NEGR1: variants seen among roughly 807,000 people sequenced by gnomAD.
NEGR1 encodes the protein neuronal growth regulator 1, also known as IgLON family member 4.
A neutral mutation model predicts 40.9 loss-of-function variants in NEGR1; 10 were observed. That is an observed-to-expected ratio of 0.24 (90% CI 0.15 to 0.42). The LOEUF is 0.42. NEGR1 is among the 10% of genes least tolerant of loss of function. NEGR1 has a pLI of 1.00. For synonymous variants in NEGR1, 185 were observed against 166.8 expected (o/e 1.11, Z -0.84); for missense variants, 352 against 438.9 (o/e 0.80, Z 1.77).
chr1:71,458,458 T>C (rs1646690840), intron 6 of NEGR1, among the ~76,000 whole-genome samples: 2 of 152,252 alleles, frequency 1.3e-5, no homozygotes, highest in African/African-American at 2.4e-5. Flanking sequence ...ACTATAGTTA[T>C]ACTTTTCACA....
chr1:71,496,499 A>G (rs976539027), intron 6 of NEGR1, among the ~76,000 whole-genome samples: 1 of 152,138 alleles, frequency 6.6e-6, no homozygotes, highest in Non-Finnish European at 1.5e-5. Flanking sequence ...TGTGGAAAAC[A>G]TCTTGCCTTT....
At chr1:72,005,243 G>A (rs1646596706) in intron 1 of NEGR1, among the ~76,000 whole-genome samples, 1 of 151,926 alleles carries the variant, frequency 6.6e-6, no homozygotes, top group African/African-American at 2.4e-5. Flanking sequence ...GGATAGGGTG[G>A]GGGAGGCAAA....
intron 1 of NEGR1, among the ~76,000 whole-genome samples, chr1:72,129,711 T>C (rs1381558232): frequency 1.3e-5 from 2 of 152,184 alleles, no homozygotes; most frequent in African/African-American, 4.8e-5. Context: ...AATGAATGAA[T>C]GAAAAGGAAT....
At chr1:71,829,781 T>C (rs554868917) in intron 2 of NEGR1, among the ~76,000 whole-genome samples, 2 of 152,130 alleles carry the variant, frequency 1.3e-5, no homozygotes, top group South Asian at 2.1e-4. Flanking sequence ...CATACTCTTA[T>C]GGTCCACAGT....
intron 2 of NEGR1, among the ~76,000 whole-genome samples, chr1:71,823,736 A>G (rs1248074338): frequency 2.0e-5 from 3 of 152,070 alleles, no homozygotes; most frequent in African/African-American, 7.2e-5. Context: ...ATCCTTAAGA[A>G]AAGCCTGTAC....
chr1:71,531,176 C>T (rs1232122582), intron 6 of NEGR1, among the ~76,000 whole-genome samples: 1 of 151,196 alleles, frequency 6.6e-6, no homozygotes, highest in Non-Finnish European at 1.5e-5. Context: ...CTCACTATAC[C>T]TATTCCCAAT....
At chr1:72,001,681 C>T (rs1402911005) in intron 1 of NEGR1, among the ~76,000 whole-genome samples, 1 of 150,054 alleles carries the variant, frequency 6.7e-6, no homozygotes, top group Non-Finnish European at 1.5e-5. Flanking sequence ...GAGGGCATTA[C>T]GAACATCACA....
intron 1 of NEGR1, among the ~76,000 whole-genome samples, chr1:72,253,274 A>G (rs955149135): frequency 3.9e-5 from 6 of 152,320 alleles, no homozygotes; most frequent in Admixed American, 2.6e-4. Flanking sequence ...AAATAGTTGA[A>G]GAATTGAAAA....
At chr1:71,780,040 C>CAAAAAAAAAAAAAAAAAA (rs57576840) in intron 2 of NEGR1, among the ~76,000 whole-genome samples, 39 of 99,732 alleles carry the variant, frequency 3.9e-4, no homozygotes, top group African/African-American at 7.1e-4. Flanking sequence ...ATAGGAAAAC[C>CAAAAAAAAAAAAAAAAAA]AAAAAAAAAA....
chr1:72,036,337 A>C (rs983146892), intron 1 of NEGR1, among the ~76,000 whole-genome samples: 1 of 152,084 alleles, frequency 6.6e-6, no homozygotes, highest in African/African-American at 2.4e-5. Flanking sequence ...GTAGGAAAAA[A>C]TGTGCACACT....
At chr1:72,226,599 T>C (rs1305231707) in intron 1 of NEGR1, among the ~76,000 whole-genome samples, 1 of 152,008 alleles carries the variant, frequency 6.6e-6, no homozygotes, top group Non-Finnish European at 1.5e-5. Flanking sequence ...CAAGTTACAT[T>C]AAAAATTTGA....
intron 5 of NEGR1, among the ~76,000 whole-genome samples, chr1:71,597,432 GTC>G (rs1158039041): frequency 1.2e-3 from 70 of 60,746 alleles, no homozygotes; most frequent in African/African-American, 3.6e-3. Flanking sequence ...ATATATATAT[GTC>G]TCTCTCTCTC....
intron 2 of NEGR1, among the ~76,000 whole-genome samples, chr1:71,894,371 G>C (rs1412831215): frequency 1.6e-4 from 25 of 152,132 alleles, no homozygotes. Flanking sequence ...AACAGGAATA[G>C]GGGCTCTTTG....
At chr1:71,916,217 G>C (rs1240923027) in intron 2 of NEGR1, among the ~76,000 whole-genome samples, 1 of 152,084 alleles carries the variant, frequency 6.6e-6, no homozygotes, top group African/African-American at 2.4e-5. Context: ...TATACTATCT[G>C]ATGCTTCAAT....
At chr1:71,674,118 T>C (rs1185718901) in intron 4 of NEGR1, among the ~76,000 whole-genome samples, 1 of 152,186 alleles carries the variant, frequency 6.6e-6, no homozygotes. Context: ...GGTAGCACCA[T>C]TTATTTCTTC....
chr1:72,277,291 G>A (rs901387929), intron 1 of NEGR1, among the ~76,000 whole-genome samples: 2 of 152,184 alleles, frequency 1.3e-5, no homozygotes, highest in Admixed American at 1.3e-4. Flanking sequence ...GGCCAATCAG[G>A]CCTAGAACTG....
chr1:72,134,644 CTT>C (rs57127142), intron 1 of NEGR1, among the ~76,000 whole-genome samples: 94,220 of 146,176 alleles, frequency 0.64, 30,755 homozygotes, highest in East Asian at 0.85. Flanking sequence ...TAGAGGTTTC[CTT>C]TTTTTTTTTT....
At chr1:71,875,144 G>C (rs1360136462) in intron 2 of NEGR1, among the ~76,000 whole-genome samples, 2 of 152,022 alleles carry the variant, frequency 1.3e-5, no homozygotes, top group East Asian at 3.9e-4. Flanking sequence ...ACTGTGCCTG[G>C]CCAAGTTTTT....
chr1:71,443,445 T>C (rs937966924), intron 6 of NEGR1, among the ~76,000 whole-genome samples: 1 of 152,234 alleles, frequency 6.6e-6, no homozygotes, highest in African/African-American at 2.4e-5. Flanking sequence ...TCCACTTTTT[T>C]TAGTTATATG....
Sources: allele counts gnomAD v4.1 joint callset (sites outside exome capture counted in the v4.1 genomes callset), GRCh38; gene constraint gnomAD v4.1.1; transcripts MANE v1.5; gene names NCBI Gene and HGNC (gene_info 2026-07-23, HGNC 2026-07-21).